Variants in CLMN observed in about 807,000 individuals in gnomAD.
The protein encoded by CLMN is calmin (calponin-like, transmembrane).
A neutral mutation model predicts 92.7 loss-of-function variants in CLMN; 57 were observed. The observed-to-expected ratio is 0.61, with a 90% confidence interval of 0.50 to 0.77. The LOEUF is 0.77. Among genes scored for constraint, CLMN ranks in the 30% least tolerant of loss-of-function variants. The probability of loss-of-function intolerance (pLI) is 0.00; values close to 1 mark genes in which losing one functional copy is unlikely to be tolerated. For synonymous variants in CLMN, 466 were observed against 470.6 expected (o/e 0.99, Z 0.13); for missense variants, 1,158 against 1,237.5 (o/e 0.94, Z 0.96).
intron 9 of CLMN, among the ~76,000 whole-genome samples, chr14:95,198,703 G>A (rs1048202113): frequency 3.3e-5 from 5 of 152,032 alleles, no homozygotes; most frequent in Admixed American, 6.5e-5. Flanking sequence ...TAGATCTCCC[G>A]ATTCTACCAC....
chr14:95,239,539 G>A (rs999455713), intron 1 of CLMN, among the ~76,000 whole-genome samples: 1 of 152,150 alleles, frequency 6.6e-6, no homozygotes, highest in African/African-American at 2.4e-5. Flanking sequence ...TTGTGAAAGT[G>A]TTCCGGTTTC....
At position 95,280,762 on chromosome 14, in the gene CLMN, A is replaced by C. The variant is rs578111040; in HGVS notation, c.82+38949T>G. Among the ~76,000 whole-genome samples the C allele has an allele frequency of 3.9e-5, 6 of 152,298 alleles. No homozygotes were observed. The South Asian group carries it at 1.2e-3, about 32-fold the overall frequency. ...GCTTTTGTTGGGCTATATTTTTATA[A>C]ATATGTTATTGGTATGTGTTCCAAA... On this transcript the variant is annotated intron_variant, in intron 1 of 12. Transcript: ENST00000298912.
intron 1 of CLMN, among the ~76,000 whole-genome samples, chr14:95,276,945 G>C (rs1451004297): frequency 3.1e-5 from 1 of 32,230 alleles, no homozygotes; most frequent in Non-Finnish European, 6.0e-5. Context: ...TGAAAAAGAT[G>C]ATTTTTTTTT....
intron 1 of CLMN, among the ~76,000 whole-genome samples, chr14:95,281,529 C>G (rs866498661): frequency 2.0e-5 from 3 of 152,034 alleles, no homozygotes; most frequent in South Asian, 2.1e-4. Flanking sequence ...TTAGACTGAC[C>G]CTGCTTATTC....
intron 1 of CLMN, among the ~76,000 whole-genome samples, chr14:95,251,861 C>T (rs76018433): frequency 0.08 from 12,177 of 152,240 alleles, 645 homozygotes; most frequent in African/African-American, 0.14. Context: ...TACTTATTCT[C>T]ATAGCTCCAG....
chr14:95,284,099 G>C lies in CLMN; in HGVS notation c.82+35612C>G, dbSNP rs527747149. On this transcript the variant is annotated intron_variant, in intron 1 of 12. Coordinates refer to ENST00000298912, the MANE Select transcript of CLMN (RefSeq NM_024734.4). ...GGACTTGGTGCCCTGTGTCCCAGCC[G>C]CTCCAGTTGTGGTGGAAAGGGGCCA... Among the ~76,000 whole-genome samples, 6 of 152,276 alleles carry C rather than the reference G, an allele frequency of 3.9e-5. No individual in the cohort carries two copies. The South Asian group carries it at 1.2e-3, about 32-fold the overall frequency.
At chr14:95,288,029 C>T (rs1900408870) in intron 1 of CLMN, among the ~76,000 whole-genome samples, 1 of 152,212 alleles carries the variant, frequency 6.6e-6, no homozygotes, top group Non-Finnish European at 1.5e-5. Context: ...CATTTTGCAG[C>T]AGAGAAAACA....
At chr14:95,288,344 A>T (rs1900423222) in intron 1 of CLMN, among the ~76,000 whole-genome samples, 1 of 152,218 alleles carries the variant, frequency 6.6e-6, no homozygotes, top group East Asian at 1.9e-4. Flanking sequence ...TTTGAAAGAG[A>T]TAAGCCTAAG....
chr14:95,238,143 C>T (rs181783021), intron 1 of CLMN, among the ~76,000 whole-genome samples: 21 of 152,312 alleles, frequency 1.4e-4, no homozygotes, highest in East Asian at 3.9e-4. Flanking sequence ...CCAACGCTGC[C>T]GACTCCCACG....
intron 3 of CLMN, chr14:95,222,487 T>C (rs1427258925): frequency 2.2e-6 from 1 of 446,932 alleles, no homozygotes; most frequent in South Asian, 1.6e-5. Context: ...CCACCAGGTG[T>C]GAAGTGCCAG....
intron 1 of CLMN, among the ~76,000 whole-genome samples, chr14:95,267,892 A>G (rs767659438): frequency 1.3e-5 from 2 of 152,232 alleles, no homozygotes; most frequent in African/African-American, 4.8e-5. Flanking sequence ...ACTGGAGATC[A>G]TTATGTTAAG....
chr14:95,309,301 A>G (rs114054096), intron 1 of CLMN, among the ~76,000 whole-genome samples: 2,523 of 152,318 alleles, frequency 0.017, 71 homozygotes, highest in African/African-American at 0.056. Context: ...TTTCACATCA[A>G]GTAGAAGATT....
At chr14:95,242,696 T>C (rs1898300592) in intron 1 of CLMN, among the ~76,000 whole-genome samples, 1 of 152,196 alleles carries the variant, frequency 6.6e-6, no homozygotes, top group South Asian at 2.1e-4. Flanking sequence ...GCCTCCCAAG[T>C]AGCTGGGACT....
intron 1 of CLMN, among the ~76,000 whole-genome samples, chr14:95,235,121 T>TCA (rs140586255): frequency 0.11 from 16,493 of 150,778 alleles, 1,359 homozygotes; most frequent in African/African-American, 0.23. Context: ...TCTCTCTCTC[T>TCA]CACACACACA....
chr14:95,214,882 G>A (rs1239698196), intron 5 of CLMN, among the ~76,000 whole-genome samples: 1 of 152,024 alleles, frequency 6.6e-6, no homozygotes, highest in Non-Finnish European at 1.5e-5. Flanking sequence ...TCACTCTTGG[G>A]AGGGTAATCG....
chr14:95,257,169 G>C (rs1031304836), intron 1 of CLMN, among the ~76,000 whole-genome samples: 3 of 152,226 alleles, frequency 2.0e-5, no homozygotes, highest in Non-Finnish European at 4.4e-5. Context: ...GTTGACGTTT[G>C]CACGAGTTAA....
intron 1 of CLMN, among the ~76,000 whole-genome samples, chr14:95,261,102 C>T (rs1029202426): frequency 2.0e-5 from 3 of 151,604 alleles, no homozygotes; most frequent in African/African-American, 4.9e-5. Context: ...GTATTTTCTC[C>T]GCAAGGAACG....
intron 7 of CLMN, 135 bp from the exon 8 acceptor site, chr14:95,209,612 T>A: frequency 1.4e-6 from 1 of 712,124 alleles, no homozygotes; most frequent in South Asian, 1.6e-5. Flanking sequence ...TGAGGAACTT[T>A]AGGCTCAAAG....
chr14:95,205,426 C>T (rs1369025041), intron 8 of CLMN, among the ~76,000 whole-genome samples: 3 of 152,138 alleles, frequency 2.0e-5, no homozygotes, highest in Non-Finnish European at 4.4e-5. Flanking sequence ...ATCTGTGCTA[C>T]AAGCAATACA....
Sources: allele counts gnomAD v4.1 joint callset (sites outside exome capture counted in the v4.1 genomes callset), GRCh38; gene constraint gnomAD v4.1.1; transcripts MANE v1.5; gene names NCBI Gene and HGNC (gene_info 2026-07-23, HGNC 2026-07-21).